NRG3: variants seen among roughly 807,000 people sequenced by gnomAD.
NRG3 encodes the protein pro-neuregulin-3, membrane-bound isoform.
In NRG3, 31 loss-of-function variants were observed where a neutral mutation model predicts 66.9. That is an observed-to-expected ratio of 0.46 (90% confidence interval 0.35 to 0.63). NRG3 has a LOEUF of 0.63. Ranked by LOEUF, NRG3 falls within the 20% of genes least tolerant of loss-of-function variation. The probability of loss-of-function intolerance (pLI) is 0.00; values close to 1 mark genes in which losing one functional copy is unlikely to be tolerated. For synonymous variants in NRG3, 393 were observed against 359.4 expected (o/e 1.09, Z -1.06); for missense variants, 910 against 878.9 (o/e 1.04, Z -0.45).
At chr10:82,891,125 T>A (rs1843113828) in intron 4 of NRG3, among the ~76,000 whole-genome samples, 1 of 151,910 alleles carries the variant, frequency 6.6e-6, no homozygotes, top group Non-Finnish European at 1.5e-5. Context: ...TATTTCTGTA[T>A]AATTTTAAAA....
intron 1 of NRG3, among the ~76,000 whole-genome samples, chr10:81,993,371 G>A (rs1427485038): frequency 6.6e-6 from 1 of 152,108 alleles, no homozygotes; most frequent in African/African-American, 2.4e-5. Flanking sequence ...TTTTGAGACA[G>A]GGTCTTGCTC....
chr10:82,577,868 G>T (rs2046124819), intron 2 of NRG3, among the ~76,000 whole-genome samples: 1 of 151,724 alleles, frequency 6.6e-6, no homozygotes, highest in African/African-American at 2.4e-5. Flanking sequence ...TTTCTCTCAT[G>T]GCTTTGTTAA....
intron 2 of NRG3, among the ~76,000 whole-genome samples, chr10:82,560,389 A>T (rs1190720052): frequency 6.6e-6 from 1 of 151,236 alleles, no homozygotes; most frequent in East Asian, 2.0e-4. Flanking sequence ...TTATTTCCTC[A>T]TATGTTTTAT....
At chr10:82,420,449 A>G (rs7088585) in intron 2 of NRG3, among the ~76,000 whole-genome samples, 20,633 of 152,154 alleles carry the variant, frequency 0.14, 1,703 homozygotes, top group East Asian at 0.34. Context: ...AGATACACAG[A>G]GCTGGATTTA....
chr10:82,376,266 C>A (rs1314401962), intron 2 of NRG3, among the ~76,000 whole-genome samples: 2 of 152,174 alleles, frequency 1.3e-5, no homozygotes, highest in Admixed American at 1.3e-4. Flanking sequence ...CGAACACATG[C>A]AGAGCAAACA....
chr10:81,920,173 G>C (rs1325230037), intron 1 of NRG3, among the ~76,000 whole-genome samples: 2 of 152,094 alleles, frequency 1.3e-5, no homozygotes, highest in African/African-American at 4.8e-5. Flanking sequence ...GAAGTGTGCA[G>C]GGAGCACGCT....
At chr10:82,404,976 G>A (rs1468822885) in intron 2 of NRG3, among the ~76,000 whole-genome samples, 1 of 152,062 alleles carries the variant, frequency 6.6e-6, no homozygotes, top group East Asian at 1.9e-4. Flanking sequence ...TCATCCAACC[G>A]CTTAAGTCCC....
chr10:82,774,106 T>G (rs1168578491), intron 3 of NRG3, among the ~76,000 whole-genome samples: 3 of 152,218 alleles, frequency 2.0e-5, no homozygotes, highest in Non-Finnish European at 4.4e-5. Context: ...GTTTTGCTAG[T>G]GTTTCATTGA....
intron 1 of NRG3, among the ~76,000 whole-genome samples, chr10:82,226,003 C>T (rs919472428): frequency 1.3e-5 from 2 of 151,876 alleles, no homozygotes; most frequent in Admixed American, 1.3e-4. Context: ...GTTGTTTGTT[C>T]CACTTAAAAT....
At chr10:82,623,372 ACTT>A (rs2049175831) in intron 2 of NRG3, among the ~76,000 whole-genome samples, 1 of 152,118 alleles carries the variant, frequency 6.6e-6, no homozygotes, top group Admixed American at 6.5e-5. Flanking sequence ...TGTCTGAACT[ACTT>A]CTCCCAGAAC....
intron 2 of NRG3, among the ~76,000 whole-genome samples, chr10:82,687,979 C>G (rs1255962938): frequency 6.6e-6 from 1 of 152,180 alleles, no homozygotes; most frequent in Admixed American, 6.5e-5. Flanking sequence ...AGTCCTTGCT[C>G]TCCTGCCAGG....
chr10:82,747,060 G>C (rs910116754), intron 3 of NRG3, among the ~76,000 whole-genome samples: 1 of 152,086 alleles, frequency 6.6e-6, no homozygotes, highest in African/African-American at 2.4e-5. Context: ...TCCAGCCTGG[G>C]TGATGTAGTG....
intron 1 of NRG3, among the ~76,000 whole-genome samples, chr10:82,075,282 G>A (rs1336817824): frequency 1.3e-5 from 2 of 152,030 alleles, no homozygotes; most frequent in Admixed American, 1.3e-4. Context: ...GGCAGTATGT[G>A]GTTTTTGTAG....
intron 2 of NRG3, among the ~76,000 whole-genome samples, chr10:82,655,713 CAAAA>C (rs1427836618): frequency 6.6e-6 from 1 of 152,148 alleles, no homozygotes; most frequent in Non-Finnish European, 1.5e-5. Context: ...AAGAAAATCT[CAAAA>C]ACAATCTAAA....
At chr10:81,967,330 G>A (rs970868473) in intron 1 of NRG3, among the ~76,000 whole-genome samples, 3 of 151,328 alleles carry the variant, frequency 2.0e-5, no homozygotes, top group South Asian at 2.1e-4. Context: ...TTTTATTATT[G>A]TATAGGTTTT....
At chr10:82,365,427 T>C (rs2084459323) in intron 2 of NRG3, among the ~76,000 whole-genome samples, 2 of 152,180 alleles carry the variant, frequency 1.3e-5, no homozygotes, top group African/African-American at 4.8e-5. Context: ...CCAGACATAA[T>C]TTAAGTAATT....
chr10:82,734,306 A>C (rs2058055156), intron 2 of NRG3, among the ~76,000 whole-genome samples: 1 of 152,204 alleles, frequency 6.6e-6, no homozygotes, highest in Non-Finnish European at 1.5e-5. Context: ...GGGATGGATC[A>C]GGGAAAAGCT....
chr10:82,077,295 A>G (rs895171647), intron 1 of NRG3, among the ~76,000 whole-genome samples: 1 of 152,126 alleles, frequency 6.6e-6, no homozygotes, highest in African/African-American at 2.4e-5. Context: ...ATCCATCTCA[A>G]TGTCATTATA....
At chr10:82,789,474 C>A (rs1407005392) in intron 3 of NRG3, among the ~76,000 whole-genome samples, 1 of 151,854 alleles carries the variant, frequency 6.6e-6, no homozygotes, top group Non-Finnish European at 1.5e-5. Context: ...GTTTATTTTG[C>A]CTGATATTAG....
Sources: allele counts gnomAD v4.1 joint callset (sites outside exome capture counted in the v4.1 genomes callset), GRCh38; gene constraint gnomAD v4.1.1; transcripts MANE v1.5; gene names NCBI Gene and HGNC (gene_info 2026-07-23, HGNC 2026-07-21).